Variants in CDH13 observed in about 807,000 individuals in gnomAD.
CDH13 encodes cadherin-13.
Under a neutral mutation model 63.8 loss-of-function variants are expected in CDH13, and 24 were observed. That is an observed-to-expected ratio of 0.38 (90% CI 0.27 to 0.53). The LOEUF is 0.53. CDH13 is among the 20% of genes least tolerant of loss of function. The pLI, the probability that CDH13 is intolerant of heterozygous loss-of-function variation, is 0.85. For missense variants in CDH13, 1,049 were observed against 903.1 expected, an observed-to-expected ratio of 1.16 and a Z score of -2.07; for synonymous variants, 503 against 355.3, an observed-to-expected ratio of 1.42 and a Z score of -4.67.
intron 4 of CDH13, among the ~76,000 whole-genome samples, chr16:83,186,596 C>T (rs112369129): frequency 0.012 from 1,864 of 152,072 alleles, 29 homozygotes; most frequent in African/African-American, 0.042. Flanking sequence ...ATTTGTCGTA[C>T]GTTGTGTTTA....
At chr16:83,022,319 C>T (rs115021136) in intron 2 of CDH13, among the ~76,000 whole-genome samples, 2,892 of 152,254 alleles carry the variant, frequency 0.019, 73 homozygotes, top group African/African-American at 0.057. Flanking sequence ...GCAAGGAATA[C>T]CAGGATAGCT....
intron 3 of CDH13, among the ~76,000 whole-genome samples, chr16:83,075,971 A>C (rs1335950900): frequency 6.6e-6 from 1 of 152,188 alleles, no homozygotes. Context: ...CAAAAACCAA[A>C]CCAGGAATGA....
At chr16:83,511,880 C>T (rs115350936) in intron 7 of CDH13, among the ~76,000 whole-genome samples, 2 of 152,212 alleles carry the variant, frequency 1.3e-5, no homozygotes, top group East Asian at 1.9e-4. Flanking sequence ...GCTTTGAGGC[C>T]TGGGCATGTT....
chr16:82,684,288 G>A (rs1463682192), intron 1 of CDH13, among the ~76,000 whole-genome samples: 1 of 152,094 alleles, frequency 6.6e-6, no homozygotes, highest in African/African-American at 2.4e-5. Context: ...CTGACATAAG[G>A]GTTTCCTTGA....
chr16:83,685,012 C>T (rs1248848883), intron 10 of CDH13, among the ~76,000 whole-genome samples: 2 of 152,206 alleles, frequency 1.3e-5, no homozygotes, highest in Admixed American at 6.5e-5. Context: ...CACCCTCTTC[C>T]TCATGGTCTG....
intron 10 of CDH13, among the ~76,000 whole-genome samples, chr16:83,730,715 C>T (rs1426529546): frequency 6.6e-6 from 1 of 152,096 alleles, no homozygotes; most frequent in Non-Finnish European, 1.5e-5. Flanking sequence ...GGTTTATTAC[C>T]TGGGTCTATT....
intron 1 of CDH13, among the ~76,000 whole-genome samples, chr16:82,856,928 A>G (rs934552193): frequency 1.3e-5 from 2 of 152,132 alleles, no homozygotes; most frequent in South Asian, 4.1e-4. Flanking sequence ...GGATATTTAC[A>G]TACCATTCCC....
intron 1 of CDH13, among the ~76,000 whole-genome samples, chr16:82,763,775 C>A (rs965318896): frequency 3.3e-5 from 5 of 152,192 alleles, no homozygotes; most frequent in Non-Finnish European, 5.9e-5. Context: ...CTCCTCTGCC[C>A]AGGCTCAGGT....
intron 6 of CDH13, among the ~76,000 whole-genome samples, chr16:83,409,009 G>A (rs1303199361): frequency 6.6e-6 from 1 of 152,146 alleles, no homozygotes. Flanking sequence ...GAGTGAGTGA[G>A]TGGGTGGTTT....
At chr16:82,801,565 A>G (rs1479488844) in intron 1 of CDH13, among the ~76,000 whole-genome samples, 1 of 152,214 alleles carries the variant, frequency 6.6e-6, no homozygotes, top group African/African-American at 2.4e-5. Flanking sequence ...AAGAACAGCA[A>G]GGTTACTACT....
intron 5 of CDH13, among the ~76,000 whole-genome samples, chr16:83,327,964 C>G (rs921909068): frequency 4.6e-5 from 7 of 152,010 alleles, no homozygotes; most frequent in African/African-American, 1.4e-4. Context: ...AACCCCGTCT[C>G]TACTGAAAAT....
chr16:82,729,124 G>C (rs4559899), intron 1 of CDH13, among the ~76,000 whole-genome samples: 97,405 of 151,982 alleles, frequency 0.64, 31,398 homozygotes, highest in East Asian at 0.77. Flanking sequence ...AAGTCATAAA[G>C]CCCTGAAAGT....
At position 83,379,936 on chromosome 16, in the gene CDH13, T is replaced by TAG. The variant is rs71272415; in HGVS notation, c.781+34931_781+34932insGA. ...GTGTGTGTGTATATATATATATATA[T>TAG]ATAGAGAGAGAGAGAGAGAGAGAGA... On this transcript the variant is annotated intron_variant, in intron 6 of 13. Transcript: ENST00000567109. Among the ~76,000 whole-genome samples, 450 of 91,780 alleles carry TAG rather than the reference T, an allele frequency of 4.9e-3. 5 individuals carry two copies. The highest frequency in any genetic ancestry group is 0.015 in the African/African-American group (368 of 24,786). 60.2% of individuals were successfully genotyped at this position (91,780 alleles called of 152,430 possible).
intron 10 of CDH13, among the ~76,000 whole-genome samples, chr16:83,679,543 A>G (rs1915233849): frequency 1.3e-5 from 2 of 152,254 alleles, no homozygotes; most frequent in Non-Finnish European, 2.9e-5. Flanking sequence ...TTTACGGCTA[A>G]GCTTTCTGAA....
Position 83,629,522 on chromosome 16 carries a change from T to C in CDH13, c.1101+26928T>C, listed in dbSNP as rs1340973169. On this transcript the variant is annotated intron_variant, in intron 8 of 13. Coordinates refer to ENST00000567109, the MANE Select transcript of CDH13 (RefSeq NM_001257.5). ...TCAGCAGCATGCCATCTCTCCACTT[T>C]ATTAAAATGAATGAACAGATGTACA... Among the ~76,000 whole-genome samples, 3 of 152,206 alleles carry C rather than the reference T, an allele frequency of 2.0e-5. No homozygotes were observed. The East Asian group carries it at 5.8e-4, about 29-fold the overall frequency.
chr16:82,990,214 C>A (rs1306569157), intron 2 of CDH13: 1 of 152,150 alleles, frequency 6.6e-6, no homozygotes, highest in Non-Finnish European at 1.5e-5. Context: ...TTTCAAAGTT[C>A]ATCTTTGAAA....
intron 6 of CDH13, among the ~76,000 whole-genome samples, chr16:83,421,427 C>T (rs1351733346): frequency 6.6e-6 from 1 of 152,176 alleles, no homozygotes; most frequent in African/African-American, 2.4e-5. Flanking sequence ...TAGCTCTCTA[C>T]ATCTTTCCAA....
At chr16:82,704,558 T>C (rs1273281137) in intron 1 of CDH13, among the ~76,000 whole-genome samples, 1 of 152,168 alleles carries the variant, frequency 6.6e-6, no homozygotes, top group African/African-American at 2.4e-5. Flanking sequence ...TGCCTTGCTA[T>C]TGGTGCTGTC....
intron 6 of CDH13, among the ~76,000 whole-genome samples, chr16:83,364,920 G>A (rs1211539349): frequency 1.3e-5 from 2 of 152,176 alleles, no homozygotes; most frequent in Admixed American, 6.5e-5. Flanking sequence ...GGGTAGGTAA[G>A]CGGCAAAAGG....
Sources: allele counts gnomAD v4.1 joint callset (sites outside exome capture counted in the v4.1 genomes callset), GRCh38; gene constraint gnomAD v4.1.1; transcripts MANE v1.5; gene names NCBI Gene and HGNC (gene_info 2026-07-23, HGNC 2026-07-21).